TRAPPC9: variants seen among roughly 807,000 people sequenced by gnomAD.
TRAPPC9 encodes IKK2 binding protein.
In TRAPPC9, 83 loss-of-function variants were observed where a neutral mutation model predicts 124.0. The ratio of observed to expected loss-of-function variants is 0.67; its 90% CI spans 0.56 to 0.80. The LOEUF (loss-of-function observed/expected upper bound fraction) is 0.80, where lower values mean the gene tolerates loss of function less well. TRAPPC9 is among the 30% of genes least tolerant of loss of function. TRAPPC9 has a pLI of 0.00. For missense variants in TRAPPC9, 1,302 were observed against 1,508.3 expected (o/e 0.86, Z 2.27); for synonymous variants, 638 against 617.5 (o/e 1.03, Z -0.49).
intron 8 of TRAPPC9, among the ~76,000 whole-genome samples, chr8:140,370,535 A>G (rs1046996249): frequency 1.3e-5 from 2 of 152,328 alleles, no homozygotes; most frequent in South Asian, 2.1e-4. Context: ...TTTATTTTTA[A>G]TACATATTAC....
intron 21 of TRAPPC9, among the ~76,000 whole-genome samples, chr8:139,880,391 G>T (rs1259711988): frequency 6.6e-6 from 1 of 152,172 alleles, no homozygotes; most frequent in Non-Finnish European, 1.5e-5. Flanking sequence ...TAGCATTGGG[G>T]AGGGGGCTGG....
At chr8:140,385,935 C>A (rs551280233) in intron 7 of TRAPPC9, among the ~76,000 whole-genome samples, 665 of 152,260 alleles carry the variant, frequency 4.4e-3, no homozygotes, top group Non-Finnish European at 6.7e-3. Flanking sequence ...ACTGGCAAAC[C>A]GAATCCAGCA....
At chr8:139,870,280 T>C (rs950728135) in intron 21 of TRAPPC9, among the ~76,000 whole-genome samples, 1 of 152,224 alleles carries the variant, frequency 6.6e-6, no homozygotes, top group East Asian at 1.9e-4. Context: ...AAGGTTTGAA[T>C]ATTAAAGCAA....
At chr8:140,256,541 G>A (rs939379870) in intron 15 of TRAPPC9, among the ~76,000 whole-genome samples, 4 of 152,112 alleles carry the variant, frequency 2.6e-5, no homozygotes, top group Non-Finnish European at 5.9e-5. Flanking sequence ...CCCCGGGCAG[G>A]CCCACCTGCT....
chr8:140,059,679 G>C (rs1164373257), intron 17 of TRAPPC9, among the ~76,000 whole-genome samples: 1 of 152,144 alleles, frequency 6.6e-6, no homozygotes, highest in East Asian at 1.9e-4. Flanking sequence ...CTGTGACATT[G>C]AGCATCTTCT....
intron 21 of TRAPPC9, among the ~76,000 whole-genome samples, chr8:139,783,612 T>C (rs1488851701): frequency 2.6e-5 from 4 of 152,172 alleles, no homozygotes; most frequent in Middle Eastern, 3.2e-3. Flanking sequence ...AGACACAAAC[T>C]CTTCCAGAAA....
At chr8:140,089,395 G>C (rs936233903) in intron 17 of TRAPPC9, among the ~76,000 whole-genome samples, 2 of 152,182 alleles carry the variant, frequency 1.3e-5, no homozygotes, top group Non-Finnish European at 2.9e-5. Flanking sequence ...TATACACCAT[G>C]GACCAGGCAG....
chr8:140,066,294 G>T (rs1461924848), intron 17 of TRAPPC9, among the ~76,000 whole-genome samples: 1 of 152,228 alleles, frequency 6.6e-6, no homozygotes, highest in African/African-American at 2.4e-5. Flanking sequence ...GGAGCAGTAA[G>T]TGGGGTGGAG....
intron 6 of TRAPPC9, among the ~76,000 whole-genome samples, chr8:140,398,631 T>A (rs987987995): frequency 6.6e-6 from 1 of 152,212 alleles, no homozygotes; most frequent in Non-Finnish European, 1.5e-5. Flanking sequence ...TTAGGATATC[T>A]GGCAGAAGAA....
chr8:140,248,740 A>T (rs1433212709), intron 16 of TRAPPC9, among the ~76,000 whole-genome samples: 1 of 152,346 alleles, frequency 6.6e-6, no homozygotes, highest in Non-Finnish European at 1.5e-5. Context: ...GGATCATAGG[A>T]AAAGAATATA....
intron 17 of TRAPPC9, among the ~76,000 whole-genome samples, chr8:140,149,208 C>T (rs995150782): frequency 3.9e-5 from 6 of 152,100 alleles, no homozygotes; most frequent in Non-Finnish European, 8.8e-5. Flanking sequence ...CAGACAAGGA[C>T]TAATGAGTCC....
intron 6 of TRAPPC9, among the ~76,000 whole-genome samples, chr8:140,403,597 G>C (rs1369132561): frequency 6.6e-6 from 1 of 152,112 alleles, no homozygotes; most frequent in East Asian, 1.9e-4. Context: ...TTATGGAGGA[G>C]TAAATTGTTA....
rs369679609 is a variant in TRAPPC9, at chr8:140,173,725, T to C, written c.2556+47734A>G. 5.8e-4 allele frequency among the ~76,000 whole-genome samples: 88 copies of C among 152,306 alleles called. No homozygotes were observed. In the East Asian group the frequency reaches 0.013, roughly 22 times the overall value. Reference sequence around the variant, plus strand: ...CTCACCCCAGTCTAAGATATGTCTATAGACTATGGCATAAACTTAGCTATC... The same window carrying C: ...CTCACCCCAGTCTAAGATATGTCTACAGACTATGGCATAAACTTAGCTATC... On this transcript the variant is annotated intron_variant, in intron 17 of 22. Transcript: ENST00000438773.
At chr8:140,204,671 T>G (rs752637697) in intron 17 of TRAPPC9, among the ~76,000 whole-genome samples, 4 of 152,220 alleles carry the variant, frequency 2.6e-5, no homozygotes, top group Non-Finnish European at 5.9e-5. Flanking sequence ...GCTCTTTCCC[T>G]GTGACACACC....
At chr8:139,833,978 G>C (rs1271394685) in intron 21 of TRAPPC9, among the ~76,000 whole-genome samples, 2 of 152,200 alleles carry the variant, frequency 1.3e-5, no homozygotes, top group Non-Finnish European at 2.9e-5. Flanking sequence ...CCTGTGGCAT[G>C]ACCTGTGTGC....
chr8:140,275,713 A>T lies in TRAPPC9; in HGVS notation c.2223T>A (p.Ile741=). 6.2e-7 allele frequency: 1 copy of T among 1,614,162 alleles called. No homozygotes were observed. Among genetic ancestry groups the T allele is most frequent in the Non-Finnish European group, 8.5e-7 (1 of 1,179,998 alleles). The change falls in exon 15 of 23, where the codon ATT becomes ATA. Residue 741 remains isoleucine, a synonymous_variant. Transcript: ENST00000438773. ...CCAGTTTCTCCAATGGTTCCATTCC[A>T]ATATTTTCCAATTTAATGATTAGTT... ...SQQLIIKLEN[I]GMEPLEKLEV...
At chr8:140,148,047 G>C (rs942877221) in intron 17 of TRAPPC9, among the ~76,000 whole-genome samples, 1 of 152,246 alleles carries the variant, frequency 6.6e-6, no homozygotes, top group Admixed American at 6.5e-5. Flanking sequence ...GGGCACAGCA[G>C]TGAAGCAGAC....
Position 140,087,098 on chromosome 8 carries a change from C to A in TRAPPC9, c.2557-63019G>T, listed in dbSNP as rs989072455. Reference sequence around the variant, plus strand: ...TCCTACTCCTCTGAAATGACTCTTTCCAATCTCAAAGCCAGTGGTCAACAT... The same window carrying A: ...TCCTACTCCTCTGAAATGACTCTTTACAATCTCAAAGCCAGTGGTCAACAT... On this transcript the variant is annotated intron_variant, in intron 17 of 22. Transcript: ENST00000438773. The surrounding 1 kb of genome is among the most constrained non-coding windows in gnomAD (Gnocchi z 4.6). Among the ~76,000 whole-genome samples, 1 of 152,142 alleles carries A rather than the reference C, an allele frequency of 6.6e-6. No homozygotes were observed. Among genetic ancestry groups the A allele is most frequent in the Non-Finnish European group, 1.5e-5 (1 of 68,022 alleles).
At chr8:139,792,438 G>T (rs558332782) in intron 21 of TRAPPC9, among the ~76,000 whole-genome samples, 1 of 152,206 alleles carries the variant, frequency 6.6e-6, no homozygotes, top group Non-Finnish European at 1.5e-5. Context: ...GCCTGGCTGC[G>T]TGTGGGCCTG....
Sources: allele counts gnomAD v4.1 joint callset (sites outside exome capture counted in the v4.1 genomes callset), GRCh38; gene constraint gnomAD v4.1.1; non-coding constraint Gnocchi (gnomAD v3.1); transcripts MANE v1.5; gene names NCBI Gene and HGNC (gene_info 2026-07-23, HGNC 2026-07-21).